The following POLR1C variants were observed in gnomAD, a reference collection of about 807,000 sequenced individuals.
POLR1C encodes RNA polymerase I and III subunit C, also known as DNA-directed RNA polymerases I and III subunit RPAC1.
A neutral mutation model predicts 38.3 loss-of-function variants in POLR1C; 42 were observed. That is an observed-to-expected ratio of 1.10 (90% confidence interval 0.86 to 1.42). POLR1C has a LOEUF of 1.42. Among genes scored for constraint, POLR1C ranks in the 40% most tolerant of loss-of-function variants. The probability of loss-of-function intolerance (pLI) is 0.00; values close to 1 mark genes in which losing one functional copy is unlikely to be tolerated. For synonymous variants in POLR1C, 163 were observed against 163.9 expected (o/e 0.99, Z 0.04); for missense variants, 507 against 450.5 (o/e 1.13, Z -1.14).
At chr6:43,525,647 C>A, downstream of POLR1C, 2 of 602,706 alleles carry the variant, frequency 3.3e-6, no homozygotes, top group South Asian at 2.2e-5. Flanking sequence ...AGAGCTCCTG[C>A]CTATGCTGGT....
intron 9 of POLR1C, among the ~76,000 whole-genome samples, chr6:43,545,074 T>A (rs138830564): frequency 2.0e-5 from 3 of 151,962 alleles, no homozygotes; most frequent in African/African-American, 7.2e-5. Context: ...GGTTTCATCA[T>A]GTTGGCCAGG....
At chr6:43,534,127 G>T, downstream of POLR1C, 1 of 655,888 alleles carries the variant, frequency 1.5e-6, no homozygotes, top group South Asian at 1.6e-5. Context: ...CTCCTGGCAG[G>T]GGAAAGAAAA....
At chr6:43,529,929 T>C (rs1053003168), downstream of POLR1C, among the ~76,000 whole-genome samples, 1 of 119,548 alleles carries the variant, frequency 8.4e-6, no homozygotes, top group South Asian at 2.5e-4. Flanking sequence ...AAAAAAAAAG[T>C]GCTTCTAAAA....
chr6:43,523,943 T>C (rs1316462188), downstream of POLR1C: 1 of 1,613,910 alleles, frequency 6.2e-7, no homozygotes, highest in Non-Finnish European at 8.5e-7. Context: ...GCTTTGTTTT[T>C]TTGAAAAGTG....
At chr6:43,560,223 T>G in intron 10 of POLR1C, 1 of 1,612,600 alleles carries the variant, frequency 6.2e-7, no homozygotes, top group Non-Finnish European at 8.5e-7. Context: ...TTGGTATTAT[T>G]GCTAATAGCA....
chr6:43,520,683 C>T lies in POLR1C; in HGVS notation c.714C>T (p.Asp238=), dbSNP rs1022865475. The part of the protein sequence containing the change: ...VATASYRLLP[D]ITLLEPVEGE... ...CAGCCAGTTACAGGCTCCTGCCAGA[C>T]ATCACCCTGCTTGAGCCCGTGGAAG... Residue 238 remains aspartate (D), a synonymous_variant, in exon 7 of 9, where the codon GAC becomes GAT. Coordinates refer to ENST00000642195, the MANE Select transcript of POLR1C (RefSeq NM_203290.4). 4 of 1,614,034 alleles carry T rather than the reference C, an allele frequency of 2.5e-6. No homozygotes were observed. In the African/African-American group the frequency reaches 5.3e-5, roughly 22 times the overall value.
chr6:43,550,610 T>G (rs1225132118), intron 9 of POLR1C, among the ~76,000 whole-genome samples: 1 of 152,228 alleles, frequency 6.6e-6, no homozygotes, highest in African/African-American at 2.4e-5. Context: ...GGGACTACTA[T>G]GATGATGATG....
chr6:43,533,519 G>A (rs1794131351), downstream of POLR1C: 1 of 166,546 alleles, frequency 6.0e-6, no homozygotes, highest in African/African-American at 2.4e-5. Context: ...AAGACAAGAT[G>A]GAAGAAGCAC....
intron 9 of POLR1C, chr6:43,544,399 T>C (rs1316477822): frequency 6.6e-6 from 1 of 152,216 alleles, no homozygotes; most frequent in Non-Finnish European, 1.5e-5. Context: ...TGACTAGAAA[T>C]TGAAAAGAGA....
chr6:43,551,621 C>T (rs1447596262), intron 10 of POLR1C, among the ~76,000 whole-genome samples: 2 of 152,188 alleles, frequency 1.3e-5, no homozygotes, highest in Non-Finnish European at 1.5e-5. Context: ...AACTCTTGAG[C>T]TCAAGGGATC....
At chr6:43,531,624 T>C, downstream of POLR1C, 1 of 1,507,856 alleles carries the variant, frequency 6.6e-7, no homozygotes, top group Non-Finnish European at 9.2e-7. Context: ...GTCAGGAGTC[T>C]CAATTGGCCA....
chr6:43,529,412 G>A (rs1309885349), exon 9 of POLR1C: 3 of 355,480 alleles, frequency 8.4e-6, no homozygotes, highest in Non-Finnish European at 1.6e-5. Context: ...AAATTAGTCG[G>A]GCATGGGGGC....
At chr6:43,555,899 G>C in intron 10 of POLR1C, 1 of 1,613,986 alleles carries the variant, frequency 6.2e-7, no homozygotes, top group Non-Finnish European at 8.5e-7. Flanking sequence ...CCAGCCATCT[G>C]GAAGCTAGTT....
intron 9 of POLR1C, chr6:43,546,557 T>C (rs1476953327): frequency 1.9e-6 from 3 of 1,594,430 alleles, no homozygotes; most frequent in Non-Finnish European, 2.6e-6. Context: ...AGAAAAGCCA[T>C]TATTCTGACT....
Position 43,519,346 on chromosome 6 carries a change from A to ATG in POLR1C, c.157_158dup (p.Val54Ter). ...CTGTCCCTCTAGAATTTCCGTGTGG[A>ATG]TGTAGTACACATGGATGAAAACTCA... On this transcript the variant is annotated frameshift_variant, in exon 3 of 9. Transcript: ENST00000642195. LOFTEE classifies it high-confidence loss of function. 1 of 1,609,756 alleles carries ATG rather than the reference A, an allele frequency of 6.2e-7. No individual in the cohort carries two copies. The highest frequency in any genetic ancestry group is 1.3e-5 in the African/African-American group (1 of 74,934).
chr6:43,529,111 TC>T, intron 8 of POLR1C: 1 of 1,087,726 alleles, frequency 9.2e-7, no homozygotes, highest in Non-Finnish European at 1.3e-6. Context: ...GATATTGAAT[TC>T]CATTATACTC....
intron 10 of POLR1C, chr6:43,553,510 AACACACACACACACAT>A (rs774794410): frequency 3.5e-5 from 52 of 1,503,426 alleles, no homozygotes; most frequent in South Asian, 2.1e-4. Flanking sequence ...CAAGCTTTAA[AACACACACACACACAT>A]ACACACACAC....
chr6:43,555,836 A>C, intron 10 of POLR1C: 3 of 1,613,860 alleles, frequency 1.9e-6, no homozygotes, highest in Non-Finnish European at 2.5e-6. Context: ...AAAAACTTAC[A>C]ATTCACAGAA....
At chr6:43,528,269 A>C in intron 8 of POLR1C, 2 of 1,485,888 alleles carry the variant, frequency 1.3e-6, no homozygotes, top group Non-Finnish European at 1.8e-6. Context: ...ATAATATCTA[A>C]AGTCAAGTCC....
Sources: gnomAD v4.1 joint callset for allele counts (sites outside exome capture counted in the v4.1 genomes callset) on GRCh38, gnomAD v4.1.1 for gene constraint, MANE v1.5 for transcripts, NCBI Gene and HGNC (gene_info 2026-07-23, HGNC 2026-07-21) for gene names.